The following ITGA8 variants were observed in gnomAD, a reference collection of about 807,000 sequenced individuals.
ITGA8 encodes the protein integrin subunit alpha 8.
In ITGA8, 91 loss-of-function variants were observed where a neutral mutation model predicts 142.3. That is an observed-to-expected ratio of 0.64 (90% CI 0.54 to 0.76). ITGA8 has a LOEUF of 0.76. Among genes scored for constraint, ITGA8 ranks in the 30% least tolerant of loss-of-function variants. The probability of loss-of-function intolerance (pLI) is 0.00; values close to 1 mark genes in which losing one functional copy is unlikely to be tolerated. For missense variants in ITGA8, 1,406 were observed against 1,327.7 expected, an observed-to-expected ratio of 1.06 and a Z score of -0.92; for synonymous variants, 505 against 485.2, an observed-to-expected ratio of 1.04 and a Z score of -0.54.
At chr10:15,693,721 T>C (rs1834975367) in intron 2 of ITGA8, among the ~76,000 whole-genome samples, 1 of 152,192 alleles carries the variant, frequency 6.6e-6, no homozygotes, top group African/African-American at 2.4e-5. Context: ...ATTTCTTCTA[T>C]AAAATGAGGC....
intron 27 of ITGA8, among the ~76,000 whole-genome samples, chr10:15,537,910 CA>C (rs1263222367): frequency 6.6e-6 from 1 of 151,572 alleles, no homozygotes; most frequent in African/African-American, 2.4e-5. Flanking sequence ...TTGAACCCAG[CA>C]GTTTGAGACA....
intron 14 of ITGA8, among the ~76,000 whole-genome samples, chr10:15,614,136 A>G (rs1449211752): frequency 6.6e-6 from 1 of 152,232 alleles, no homozygotes; most frequent in African/African-American, 2.4e-5. Flanking sequence ...GATGAAATAC[A>G]TCATCTTACA....
intron 9 of ITGA8, 113 bp from the exon 10 acceptor site, chr10:15,659,168 G>C: frequency 1.6e-6 from 1 of 609,288 alleles, no homozygotes; most frequent in Non-Finnish European, 2.8e-6. Context: ...TAAATGGTTA[G>C]CTAAATGTAA....
intron 8 of ITGA8, among the ~76,000 whole-genome samples, chr10:15,665,362 T>G (rs1564398798): frequency 6.6e-6 from 1 of 152,206 alleles, no homozygotes; most frequent in Non-Finnish European, 1.5e-5. Context: ...TTGATGGGGT[T>G]GTTTGTTTTT....
At chr10:15,581,840 T>C (rs1834413679) in intron 23 of ITGA8, among the ~76,000 whole-genome samples, 1 of 152,068 alleles carries the variant, frequency 6.6e-6, no homozygotes. Flanking sequence ...GAATAGCAAA[T>C]CCAGAAATAG....
At chr10:15,599,255 A>G (rs1035185343) in intron 20 of ITGA8, among the ~76,000 whole-genome samples, 2 of 151,924 alleles carry the variant, frequency 1.3e-5, no homozygotes, top group African/African-American at 4.8e-5. Context: ...AAGAGGAACA[A>G]TGACTTTTTA....
At chr10:15,690,855 A>C in intron 2 of ITGA8, among the ~76,000 whole-genome samples, 1 of 152,058 alleles carries the variant, frequency 6.6e-6, no homozygotes, top group East Asian at 1.9e-4. Flanking sequence ...ACGCTACCCA[A>C]CCAATCCCCT....
chr10:15,606,596 C>A (rs963812253), intron 17 of ITGA8, among the ~76,000 whole-genome samples, 174 bp from the exon 18 acceptor site: 1 of 152,058 alleles, frequency 6.6e-6, no homozygotes, highest in Non-Finnish European at 1.5e-5. Flanking sequence ...AGCCAGCATA[C>A]CTAATATATG....
chr10:15,682,897 C>T (rs1438284135), intron 4 of ITGA8, among the ~76,000 whole-genome samples: 3 of 150,700 alleles, frequency 2.0e-5, no homozygotes, highest in African/African-American at 7.3e-5. Context: ...GTTATTTAGG[C>T]TTCTAAATCT....
intron 26 of ITGA8, among the ~76,000 whole-genome samples, chr10:15,553,610 C>T (rs1277895266): frequency 1.3e-5 from 2 of 152,182 alleles, no homozygotes; most frequent in Non-Finnish European, 2.9e-5. Context: ...CAAAGTAAAA[C>T]TCTTGAAAAC....
chr10:15,619,635 A>G (rs1800859816), intron 13 of ITGA8, among the ~76,000 whole-genome samples: 1 of 152,242 alleles, frequency 6.6e-6, no homozygotes, highest in Non-Finnish European at 1.5e-5. Context: ...AAATTCTATC[A>G]GAATTTCAAT....
In ITGA8 at chr10:15,719,902, T is replaced by A; in HGVS notation, c.-131A>T. On this transcript the variant is annotated 5_prime_UTR_variant, in exon 1 of 30. Coordinates refer to ENST00000378076, the MANE Select transcript of ITGA8 (RefSeq NM_003638.3). The stretch of plus-strand genomic sequence containing the variant: ...CGGGTCGGTGCGCTCGGCGCACCCG[T>A]GGTGACAGTGCCCGGCGTCTGCTCC... The A allele has an allele frequency of 1.5e-6, 1 of 665,772 alleles. No individual in the cohort carries two copies. The highest frequency in any genetic ancestry group is 2.1e-6 in the Non-Finnish European group (1 of 465,750). The allele number at this position is 665,772 out of a possible 1,614,324, so 41.2% of individuals were successfully genotyped here. A position where few individuals can be genotyped will look rare whatever the true frequency, so the allele number is the denominator to read the frequency against.
chr10:15,536,838 CGGA>C (rs1156991932), intron 27 of ITGA8, among the ~76,000 whole-genome samples: 1 of 152,170 alleles, frequency 6.6e-6, no homozygotes, highest in African/African-American at 2.4e-5. Flanking sequence ...TGGTAACAAA[CGGA>C]GGAGTTAGCG....
At chr10:15,582,445 A>G (rs761773882) in intron 23 of ITGA8, among the ~76,000 whole-genome samples, 3 of 152,246 alleles carry the variant, frequency 2.0e-5, no homozygotes, top group Non-Finnish European at 4.4e-5. Flanking sequence ...ACTGGATTTC[A>G]TCAAACTTTT....
At chr10:15,527,800 G>A (rs1336825590) in intron 28 of ITGA8, among the ~76,000 whole-genome samples, 2 of 151,312 alleles carry the variant, frequency 1.3e-5, no homozygotes, top group African/African-American at 4.9e-5. Context: ...TATAGAAGAA[G>A]GAACAAAGAA....
In ITGA8 at chr10:15,719,624, T is replaced by C; in HGVS notation, c.148A>G (p.Ser50Gly). 6.4e-7 allele frequency: 1 copy of C among 1,551,400 alleles called. No individual in the cohort carries two copies. The highest frequency in any genetic ancestry group is 8.6e-7 in the Non-Finnish European group (1 of 1,157,640). ...NLDVEKLTVY[S>G]GPKGSYFGYA... ...CCGAAGTAGCTGCCCTTGGGGCCGCTGTACACTGTGAGCTTTTCCACGTCC... is the reference window on the plus strand; with the variant it reads ...CCGAAGTAGCTGCCCTTGGGGCCGCCGTACACTGTGAGCTTTTCCACGTCC... Residue 50 changes from serine (S) to glycine (G), a missense_variant, in exon 1 of 30, where the codon AGC becomes GGC. Transcript: ENST00000378076.
chr10:15,625,665 C>A (rs1833568583), intron 13 of ITGA8, among the ~76,000 whole-genome samples: 2 of 152,108 alleles, frequency 1.3e-5, no homozygotes, highest in Non-Finnish European at 2.9e-5. Flanking sequence ...AGAATTGTGT[C>A]CCCCCAAAAA....
intron 11 of ITGA8, among the ~76,000 whole-genome samples, chr10:15,649,552 C>T (rs987847945): frequency 6.8e-6 from 1 of 146,754 alleles, no homozygotes; most frequent in African/African-American, 2.5e-5. Context: ...CGCTTGAACC[C>T]GGGAGGCAGA....
At chr10:15,657,199 T>C (rs1246316193) in intron 10 of ITGA8, among the ~76,000 whole-genome samples, 1 of 152,156 alleles carries the variant, frequency 6.6e-6, no homozygotes, top group Non-Finnish European at 1.5e-5. Flanking sequence ...AAAGACTAAA[T>C]TTAGCAATGT....
Sources: allele counts gnomAD v4.1 joint callset (sites outside exome capture counted in the v4.1 genomes callset), GRCh38; gene constraint gnomAD v4.1.1; transcripts MANE v1.5; gene names NCBI Gene and HGNC (gene_info 2026-07-23, HGNC 2026-07-21).